RNF213: variants seen among roughly 807,000 people sequenced by gnomAD.
RNF213 encodes ring finger protein 213, also known as E3 ubiquitin-protein ligase RNF213.
Under a neutral mutation model 514.4 loss-of-function variants are expected in RNF213, and 341 were observed. The ratio of observed to expected loss-of-function variants is 0.66; its 90% CI spans 0.61 to 0.73. The LOEUF (loss-of-function observed/expected upper bound fraction) is 0.73, where lower values mean the gene tolerates loss of function less well. RNF213 is among the 30% of genes least tolerant of loss of function. The pLI, the probability that RNF213 is intolerant of heterozygous loss-of-function variation, is 0.00. For missense variants in RNF213, 5,767 were observed against 6,615.6 expected (o/e 0.87, Z 4.45); for synonymous variants, 2,655 against 2,658.2 (o/e 1.00, Z 0.04).
At chr17:80,338,228 C>G (rs1328085392) in intron 25 of RNF213, among the ~76,000 whole-genome samples, 2 of 152,138 alleles carry the variant, frequency 1.3e-5, no homozygotes, top group African/African-American at 4.8e-5. Context: ...AGCAGTCCCT[C>G]CTTACGATCC....
chr17:80,352,699 A>AT, intron 32 of RNF213: 1 of 648,476 alleles, frequency 1.5e-6, no homozygotes, highest in Non-Finnish European at 2.8e-6. Flanking sequence ...CACGCTGGCC[A>AT]TTGCAGGTCT....
At position 80,279,452 on chromosome 17, in the gene RNF213, T is replaced by A. The variant is rs12600732; in HGVS notation, c.261+6048T>A. ...AGTTGAAATCCTGACTTTTTCTCTT[T>A]TTCTTTTCTTTCTTTCTTTCTTTTT... On this transcript the variant is annotated intron_variant, in intron 3 of 67. Coordinates refer to ENST00000582970, the MANE Select transcript of RNF213 (RefSeq NM_001256071.3). Among the ~76,000 whole-genome samples the A allele has an allele frequency of 8.5e-4, 130 of 152,114 alleles. 1 individual carries two copies. In the East Asian group the frequency reaches 0.021, roughly 24 times the overall value.
Position 80,344,844 on chromosome 17 carries a change from A to G in RNF213, c.6509A>G (p.Tyr2170Cys), listed in dbSNP as rs1347238451. 2 of 1,614,084 alleles carry G rather than the reference A, an allele frequency of 1.2e-6. No individual in the cohort carries two copies. The highest frequency in any genetic ancestry group is 2.7e-5 in the African/African-American group (2 of 74,918). Reference sequence around the variant, plus strand: ...GAAACTTTCCAAAGACCTTACCAGTATTTAAGACGATTCAATCAAAACCAA... The same window carrying G: ...GAAACTTTCCAAAGACCTTACCAGTGTTTAAGACGATTCAATCAAAACCAA... ...CSETFQRPYQ[Y>C]LRRFNQNQDL... Residue 2170 changes from tyrosine to cysteine, a missense_variant, in exon 29 of 68, where the codon TAT becomes TGT. Coordinates refer to ENST00000582970, the MANE Select transcript of RNF213 (RefSeq NM_001256071.3).
rs1368276999 is a variant in RNF213, at chr17:80,343,913, G to A, written c.6240G>A (p.Met2080Ile). The A allele has an allele frequency of 5.6e-6, 9 of 1,614,088 alleles. No homozygotes were observed. Among genetic ancestry groups the A allele is most frequent in the Non-Finnish European group, 6.8e-6 (8 of 1,179,966 alleles). The change falls in exon 28 of 68, where the codon ATG becomes ATA. Residue 2080 changes from methionine (M) to isoleucine (I), a missense_variant. Met to Ile is a conservative substitution (Grantham distance 10). Transcript: ENST00000582970. This position sits in a 1 kb window ranked among gnomAD's most constrained non-coding sequence, Gnocchi z 4.3. ...LFKLLILQYL[M>I]DINGKMWLRN... ...AGCTCCTCATTTTACAATACTTAAT[G>A]GATATAAATGGGAAAATGTGGCTTC...
chr17:80,354,023 C>T lies in RNF213; in HGVS notation c.10583C>T (p.Ser3528Leu), dbSNP rs761541104. Residue 3528 changes from serine to leucine, a missense_variant, in exon 35 of 68, where the codon TCG (serine) becomes TTG (leucine). Ser to Leu is a moderately radical substitution (Grantham distance 145, BLOSUM62 -2). Around this residue, in one of 13 missense-constraint regions of RNF213, gnomAD observed 919 missense variants for 1,121.0 expected, o/e 0.82. Coordinates refer to ENST00000582970, the MANE Select transcript of RNF213 (RefSeq NM_001256071.3). ...ETSELGGSDV[S>L]ILDTTRLLRS... ...CCCAACCGTCTCCACCAACAGGTGT[C>T]GATCCTGGACACCACCAGGCTGCTG... is the stretch of plus-strand genomic sequence containing the variant. 2.5e-5 allele frequency: 40 copies of T among 1,613,646 alleles called. No homozygotes were observed. The highest frequency in any genetic ancestry group is 1.8e-4 in the Admixed American group (11 of 60,014).
rs375580063 is a variant in RNF213, at chr17:80,296,395, G to A, written c.2012+582G>A. ...GTGCGCGTGTTTAGGAGGTTGTGGC[G>A]TGACGCCAGCCTGAACTCATCCCCT... On this transcript the variant is annotated intron_variant, in intron 10 of 67. Coordinates refer to ENST00000582970, the MANE Select transcript of RNF213 (RefSeq NM_001256071.3). 8.3e-4 allele frequency among the ~76,000 whole-genome samples: 127 copies of A among 152,308 alleles called. No homozygotes were observed. In the South Asian group the frequency reaches 0.019, roughly 23 times the overall value.
chr17:80,388,909 T>A, intron 64 of RNF213: 1 of 629,118 alleles, frequency 1.6e-6, no homozygotes, highest in East Asian at 2.7e-5. Context: ...AGGAATGATG[T>A]TGATGCATGG....
rs539687544 is a variant in RNF213 at position 80,357,131 on chromosome 17, G to A, written c.10863-1157G>A. ...GGGATTTCACCATGTTGGCCAGGCT[G>A]GTCTCGAACTCCTGACCTCAGGTGA... On this transcript the variant is annotated intron_variant, in intron 36 of 67. Coordinates refer to ENST00000582970, the MANE Select transcript of RNF213 (RefSeq NM_001256071.3). Among the ~76,000 whole-genome samples the A allele has an allele frequency of 1.2e-4, 18 of 152,200 alleles. No individual in the cohort carries two copies. The South Asian group carries it at 3.1e-3, about 26-fold the overall frequency.
rs1351184119 is a variant in RNF213, at chr17:80,379,726, A to G, written c.13640+12A>G. 6.2e-7 allele frequency: 1 copy of G among 1,611,730 alleles called. No individual in the cohort carries two copies. The highest frequency in any genetic ancestry group is 2.2e-5 in the East Asian group (1 of 44,866). On this transcript the variant is annotated intron_variant, in intron 55 of 67. Transcript: ENST00000582970. Reference sequence around the variant, plus strand: ...TTTCATCTGGTCAAGTATGTGGGTCAGGATTCTATTTCCTAAGTACTCAAA... The same window carrying G: ...TTTCATCTGGTCAAGTATGTGGGTCGGGATTCTATTTCCTAAGTACTCAAA...
chr17:80,279,749 G>A (rs939941760), intron 3 of RNF213, among the ~76,000 whole-genome samples: 36 of 152,028 alleles, frequency 2.4e-4, no homozygotes, highest in Admixed American at 5.9e-4. Context: ...GATTACAGAC[G>A]TGAGCCACTG....
intron 65 of RNF213, 146 bp from the exon 66 acceptor site, chr17:80,389,682 G>A (rs1438750247): frequency 4.0e-6 from 3 of 758,410 alleles, no homozygotes; most frequent in Non-Finnish European, 6.9e-6. Context: ...GACAGAGATG[G>A]CCTTCACAAG....
In RNF213 at chr17:80,288,144, G is replaced by C. The variant is rs537403637; in HGVS notation, c.591G>C (p.Gln197His). The C allele has an allele frequency of 3.1e-6, 5 of 1,610,134 alleles. No homozygotes were observed. The highest frequency in any genetic ancestry group is 4.2e-6 in the Non-Finnish European group (5 of 1,177,500). ...AGGCTCAGAGCAGCCCGCAATTCCA[G>C]GACCACACGGAAGGGGAGGACCAGG... ...GSEAQSSPQF[Q>H]DHTEGEDQDA... The change falls in exon 4 of 68, where the codon CAG becomes CAC. Residue 197 changes from glutamine to histidine, a missense_variant. Gln to His is a conservative substitution (Grantham distance 24). Around this residue, in one of 13 missense-constraint regions of RNF213, gnomAD observed 509 missense variants for 496.7 expected, o/e 1.02. Coordinates refer to ENST00000582970, the MANE Select transcript of RNF213 (RefSeq NM_001256071.3). The surrounding 1 kb of genome is among the most constrained non-coding windows in gnomAD (Gnocchi z 4.9).
intron 2 of RNF213, among the ~76,000 whole-genome samples, chr17:80,267,000 T>C (rs1021069196): frequency 6.6e-6 from 1 of 151,982 alleles, no homozygotes; most frequent in Non-Finnish European, 1.5e-5. Context: ...GTGGATCACC[T>C]GAGGTCAGGA....
chr17:80,382,788 ATGT>A (rs893130947), intron 57 of RNF213, 188 bp from the exon 58 acceptor site: 1 of 550,658 alleles, frequency 1.8e-6, no homozygotes, highest in African/African-American at 1.9e-5. Context: ...TTAGAGATTG[ATGT>A]TATCTTCAAA....
At chr17:80,271,857 G>A (rs1390452442) in intron 2 of RNF213, among the ~76,000 whole-genome samples, 1 of 152,136 alleles carries the variant, frequency 6.6e-6, no homozygotes, top group Non-Finnish European at 1.5e-5. Flanking sequence ...GCGCATGCCT[G>A]TAATCCCAGC....
chr17:80,335,838 G>C (rs1283702729), intron 22 of RNF213, among the ~76,000 whole-genome samples: 1 of 152,116 alleles, frequency 6.6e-6, no homozygotes, highest in Admixed American at 6.5e-5. Context: ...TTAGCCAGGC[G>C]TGGTGGTGGG....
In RNF213 at chr17:80,367,375, T is replaced by G. The variant is rs186490932; in HGVS notation, c.11872-373T>G. ...GGCTGAAAGAAAATTTTAAAAAATT[T>G]AAAAATTTTAAAAAATGATCTAAAG... On this transcript the variant is annotated intron_variant, in intron 42 of 67. Coordinates refer to ENST00000582970, the MANE Select transcript of RNF213 (RefSeq NM_001256071.3). Among the ~76,000 whole-genome samples the G allele has an allele frequency of 1.4e-4, 22 of 152,278 alleles. No homozygotes were observed. In the East Asian group the frequency reaches 2.3e-3, roughly 16 times the overall value.
rs571534409 is a variant in RNF213, at chr17:80,310,087, G to A, written c.2655+916G>A. ...TCAGTTTTACCTGTCTTCCAGCTTT[G>A]ACCTTTCTGCCTCCGACTTTCCCCA... On this transcript the variant is annotated intron_variant, in intron 14 of 67. Coordinates refer to ENST00000582970, the MANE Select transcript of RNF213 (RefSeq NM_001256071.3). 1.4e-4 allele frequency among the ~76,000 whole-genome samples: 21 copies of A among 151,916 alleles called. No individual in the cohort carries two copies. In the South Asian group the frequency reaches 4.2e-3, roughly 30 times the overall value.
At chr17:80,384,072 T>C in intron 59 of RNF213, 144 bp downstream of exon 59, 2 of 1,033,398 alleles carry the variant, frequency 1.9e-6, no homozygotes, top group East Asian at 4.8e-5. Context: ...AGCAGAAGAC[T>C]CAGGGCTAGA....
Sources: gnomAD v4.1 joint callset for allele counts (sites outside exome capture counted in the v4.1 genomes callset) on GRCh38, gnomAD v4.1.1 for gene constraint, gnomAD v4.1.1 regional missense constraint, Gnocchi (gnomAD v3.1) non-coding constraint, MANE v1.5 for transcripts, NCBI Gene and HGNC (gene_info 2026-07-23, HGNC 2026-07-21) for gene names.